PTPRG: variants seen among roughly 807,000 people sequenced by gnomAD.
PTPRG encodes receptor-type tyrosine-protein phosphatase gamma.
A neutral mutation model predicts 165.3 loss-of-function variants in PTPRG; 102 were observed. The observed-to-expected ratio is 0.62, with a 90% CI of 0.53 to 0.73. The LOEUF (loss-of-function observed/expected upper bound fraction) is 0.73, where lower values mean the gene tolerates loss of function less well. PTPRG is among the 30% of genes least tolerant of loss of function. The pLI is 0.00. For synonymous variants in PTPRG, 675 were observed against 669.5 expected (o/e 1.01, Z -0.13); for missense variants, 1,866 against 1,861.4 (o/e 1.00, Z -0.05).
At chr3:62,023,902 ATTG>A (rs2041752953) in intron 4 of PTPRG, among the ~76,000 whole-genome samples, 1 of 152,108 alleles carries the variant, frequency 6.6e-6, no homozygotes, top group Non-Finnish European at 1.5e-5. Flanking sequence ...TAATGGTGTT[ATTG>A]TCCACATTAT....
In PTPRG at chr3:62,203,099, A is replaced by C; in HGVS notation, c.1378-74A>C. 1 of 1,516,114 alleles carries C rather than the reference A, an allele frequency of 6.6e-7. No homozygotes were observed. The highest frequency in any genetic ancestry group is 8.8e-7 in the Non-Finnish European group (1 of 1,132,300). The allele number at this position is 1,516,114 out of a possible 1,614,324, so 93.9% of individuals were successfully genotyped here. On this transcript the variant is annotated intron_variant, in intron 11 of 29. Transcript: ENST00000474889. This position sits in a 1 kb window ranked among gnomAD's most constrained non-coding sequence, Gnocchi z 6.4. ...GGTGACAACCAGGGCCTCATTCCCAATCTCAATTACTGATGCTTCTCTGCT... is the reference window on the plus strand; with the variant it reads ...GGTGACAACCAGGGCCTCATTCCCACTCTCAATTACTGATGCTTCTCTGCT...
At chr3:62,282,559 A>C (rs182167195) in intron 27 of PTPRG, among the ~76,000 whole-genome samples, 168 bp from the exon 28 acceptor site, 83 of 151,770 alleles carry the variant, frequency 5.5e-4, no homozygotes, top group African/African-American at 1.8e-3. Context: ...AAAAACAAAA[A>C]AAAAAAACCT....
intron 1 of PTPRG, among the ~76,000 whole-genome samples, chr3:61,732,375 A>G (rs1323287521): frequency 6.6e-6 from 1 of 152,102 alleles, no homozygotes; most frequent in Non-Finnish European, 1.5e-5. Flanking sequence ...CAGGAGATTG[A>G]GACCATCCTG....
At chr3:62,039,941 A>G (rs1404829715) in intron 4 of PTPRG, among the ~76,000 whole-genome samples, 1 of 152,198 alleles carries the variant, frequency 6.6e-6, no homozygotes, top group Non-Finnish European at 1.5e-5. Flanking sequence ...AACTTATCCC[A>G]CTTAGTGAGA....
chr3:61,940,649 TTTTA>T (rs113689837), intron 2 of PTPRG, among the ~76,000 whole-genome samples: 6 of 140,546 alleles, frequency 4.3e-5, no homozygotes, highest in African/African-American at 1.3e-4. Flanking sequence ...CAGTAGATGC[TTTTA>T]TTTATTTATT....
chr3:61,672,430 A>G (rs984967119), intron 1 of PTPRG, among the ~76,000 whole-genome samples: 8 of 135,850 alleles, frequency 5.9e-5, no homozygotes, highest in Admixed American at 3.7e-4. Flanking sequence ...CCTGGGCACC[A>G]TTGAGCACTG....
chr3:61,970,480 A>C (rs113744646), intron 2 of PTPRG, among the ~76,000 whole-genome samples: 2,599 of 152,316 alleles, frequency 0.017, 68 homozygotes, highest in African/African-American at 0.057. Context: ...TTCATCTGCA[A>C]ATTATAAGTA....
At chr3:61,813,611 T>C (rs1443487010) in intron 2 of PTPRG, among the ~76,000 whole-genome samples, 1 of 149,236 alleles carries the variant, frequency 6.7e-6, no homozygotes, top group Non-Finnish European at 1.5e-5. Flanking sequence ...ACTGGCTTAT[T>C]TTTCAGCCAT....
chr3:61,738,338 GTATA>G (rs1194827737), intron 1 of PTPRG, among the ~76,000 whole-genome samples: 10 of 123,624 alleles, frequency 8.1e-5, no homozygotes, highest in South Asian at 2.9e-4. Context: ...ATATATATAT[GTATA>G]TATATATATA....
chr3:61,572,992 G>T (rs1042496184), intron 1 of PTPRG, among the ~76,000 whole-genome samples: 4 of 152,200 alleles, frequency 2.6e-5, no homozygotes, highest in Non-Finnish European at 4.4e-5. Context: ...CAGGTGCATT[G>T]CTGGCTGATG....
intron 2 of PTPRG, among the ~76,000 whole-genome samples, chr3:61,813,591 G>GTGTT (rs1491066754): frequency 8.5e-5 from 12 of 140,558 alleles, no homozygotes; most frequent in African/African-American, 3.2e-4. Context: ...GTGTGTGTGT[G>GTGTT]TTTAGTTGTA....
intron 17 of PTPRG, among the ~76,000 whole-genome samples, chr3:62,265,833 TATACATAC>T (rs760264940): frequency 7.2e-6 from 1 of 138,892 alleles, no homozygotes; most frequent in Admixed American, 7.2e-5. Flanking sequence ...GTGCCTTATA[TATACATAC>T]ATACATACAC....
intron 6 of PTPRG, among the ~76,000 whole-genome samples, chr3:62,138,465 T>A (rs907091451): frequency 5.9e-5 from 9 of 152,178 alleles, no homozygotes; most frequent in African/African-American, 2.2e-4. Flanking sequence ...ATGCCTATAA[T>A]GTCAGCACTT....
intron 2 of PTPRG, among the ~76,000 whole-genome samples, chr3:61,945,473 T>G (rs2039734002): frequency 7.0e-6 from 1 of 142,916 alleles, no homozygotes; most frequent in East Asian, 2.1e-4. Flanking sequence ...GCAGGAGAAT[T>G]GCTTGAACCC....
chr3:61,892,516 A>G lies in PTPRG; in HGVS notation c.191-97109A>G, dbSNP rs138382867. Among the ~76,000 whole-genome samples, 1,156 of 152,264 alleles carry G rather than the reference A, an allele frequency of 7.6e-3. 11 individuals carry two copies. The highest frequency in any genetic ancestry group is 0.025 in the African/African-American group (1,060 of 41,570). ...AGGCATGAGCCACCATGTGATTTCA[A>G]TGCTGAAATAGGTACCTGGGTCAGG... is the stretch of plus-strand genomic sequence containing the variant. On this transcript the variant is annotated intron_variant, in intron 2 of 29. Transcript: ENST00000474889.
At chr3:62,054,377 C>A (rs35564017) in intron 4 of PTPRG, among the ~76,000 whole-genome samples, 1 of 152,172 alleles carries the variant, frequency 6.6e-6, no homozygotes, top group Admixed American at 6.5e-5. Context: ...TTAATGTGTA[C>A]GTCACCTGTT....
At chr3:61,673,841 A>G (rs1300707757) in intron 1 of PTPRG, among the ~76,000 whole-genome samples, 2 of 152,202 alleles carry the variant, frequency 1.3e-5, no homozygotes, top group African/African-American at 2.4e-5. Flanking sequence ...GGTAGGAAAT[A>G]GAAACTTGGC....
chr3:61,776,159 A>G (rs1166494661), intron 2 of PTPRG, among the ~76,000 whole-genome samples: 2 of 152,112 alleles, frequency 1.3e-5, no homozygotes, highest in Non-Finnish European at 2.9e-5. Flanking sequence ...CCCCTCCCAC[A>G]TCTCCAGGTT....
intron 9 of PTPRG, 64 bp downstream of exon 9, chr3:62,191,717 T>C: frequency 6.8e-7 from 1 of 1,464,722 alleles, no homozygotes; most frequent in Non-Finnish European, 9.4e-7. Context: ...TGCAGCTCTC[T>C]GCCAGGCACT....
Sources: allele counts gnomAD v4.1 joint callset (sites outside exome capture counted in the v4.1 genomes callset), GRCh38; gene constraint gnomAD v4.1.1; non-coding constraint Gnocchi (gnomAD v3.1); transcripts MANE v1.5; gene names NCBI Gene and HGNC (gene_info 2026-07-23, HGNC 2026-07-21).